The following CDH4 variants were observed in gnomAD, a reference collection of about 807,000 sequenced individuals.
CDH4 encodes the protein cadherin 4.
CDH4 carries 33 observed loss-of-function variants against 86.0 expected under a neutral mutation model. The observed-to-expected ratio is 0.38, with a 90% CI of 0.29 to 0.51. The LOEUF is 0.51. Ranked by LOEUF, CDH4 falls within the 20% of genes least tolerant of loss-of-function variation. The pLI is 0.86. For synonymous variants in CDH4, 555 were observed against 549.4 expected, an observed-to-expected ratio of 1.01 and a Z score of -0.14; for missense variants, 1,114 against 1,307.4, an observed-to-expected ratio of 0.85 and a Z score of 2.28.
At chr20:61,281,589 C>A (rs2084259299) in intron 2 of CDH4, among the ~76,000 whole-genome samples, 1 of 152,210 alleles carries the variant, frequency 6.6e-6, no homozygotes, top group Non-Finnish European at 1.5e-5. Flanking sequence ...TGAGGTCCGT[C>A]CCAGCCCCGC....
In CDH4 at chr20:61,582,563, C is replaced by CT. The variant is rs1445365863; in HGVS notation, c.170-160999dup. Among the ~76,000 whole-genome samples the CT allele has an allele frequency of 6.6e-6, 1 of 152,164 alleles. No homozygotes were observed. The highest frequency in any genetic ancestry group is 1.9e-4 in the East Asian group (1 of 5,160). ...CCCTCCCAGTGCTTCCGGGGAGAGT[C>CT]TCCCCAGTTGCACCCAGTGCCCTGA... On this transcript the variant is annotated intron_variant, in intron 2 of 15. Coordinates refer to ENST00000614565, the MANE Select transcript of CDH4 (RefSeq NM_001794.5). This position sits in a 1 kb window ranked among gnomAD's most constrained non-coding sequence, Gnocchi z 4.2.
chr20:61,665,476 G>A (rs2087312631), intron 2 of CDH4, among the ~76,000 whole-genome samples: 1 of 152,236 alleles, frequency 6.6e-6, no homozygotes, highest in African/African-American at 2.4e-5. Context: ...TCTCATCAAG[G>A]GTTTGCCTTT....
At chr20:61,578,278 G>C in intron 2 of CDH4, among the ~76,000 whole-genome samples, 1 of 152,230 alleles carries the variant, frequency 6.6e-6, no homozygotes, top group East Asian at 1.9e-4. Flanking sequence ...CCAGGGCACT[G>C]GGGGGGAATG....
At chr20:61,698,271 G>A (rs980497724) in intron 2 of CDH4, among the ~76,000 whole-genome samples, 1 of 152,228 alleles carries the variant, frequency 6.6e-6, no homozygotes, top group Admixed American at 6.5e-5. Context: ...CCATGCCGGC[G>A]TCTGCCCCAG....
At chr20:61,414,017 A>C (rs2085133814) in intron 2 of CDH4, among the ~76,000 whole-genome samples, 1 of 152,092 alleles carries the variant, frequency 6.6e-6, no homozygotes, top group Non-Finnish European at 1.5e-5. Flanking sequence ...GTGACCTCCC[A>C]AGGTTGTGCC....
intron 2 of CDH4, among the ~76,000 whole-genome samples, chr20:61,319,236 TATC>T (rs2084494899): frequency 6.6e-6 from 1 of 152,122 alleles, no homozygotes; most frequent in Admixed American, 6.6e-5. Flanking sequence ...GGTGCATTAT[TATC>T]CCCATTTTAC....
In CDH4 at chr20:61,366,941, C is replaced by G. The variant is rs117723297; in HGVS notation, c.169+112004C>G. Among the ~76,000 whole-genome samples the G allele has an allele frequency of 3.3e-5, 5 of 152,188 alleles. No homozygotes were observed. In the South Asian group the frequency reaches 1.0e-3, roughly 32 times the overall value. On this transcript the variant is annotated intron_variant, in intron 2 of 15. Coordinates refer to ENST00000614565, the MANE Select transcript of CDH4 (RefSeq NM_001794.5). ...AACAGCATATTAACGGGGTCATAGC[C>G]CTGGACAACTGGAGCTTGGGCCCTT...
At chr20:61,622,238 T>C (rs1357742313) in intron 2 of CDH4, among the ~76,000 whole-genome samples, 2 of 152,162 alleles carry the variant, frequency 1.3e-5, no homozygotes, top group Non-Finnish European at 2.9e-5. Context: ...TCCCCACCCA[T>C]GTGTTTATGG....
At chr20:61,855,926 A>G (rs1982979940) in intron 6 of CDH4, among the ~76,000 whole-genome samples, 1 of 152,176 alleles carries the variant, frequency 6.6e-6, no homozygotes, top group Admixed American at 6.5e-5. Flanking sequence ...TGGTCCCACA[A>G]CAAGCTGTCT....
At chr20:61,257,322 G>A (rs1011630470) in intron 2 of CDH4, among the ~76,000 whole-genome samples, 2 of 152,248 alleles carry the variant, frequency 1.3e-5, no homozygotes, top group Non-Finnish European at 2.9e-5. Context: ...TAAATGGATG[G>A]AAGAAATGTC....
intron 2 of CDH4, among the ~76,000 whole-genome samples, chr20:61,593,016 G>T (rs1442070878): frequency 6.6e-6 from 1 of 152,146 alleles, no homozygotes; most frequent in Non-Finnish European, 1.5e-5. Context: ...GGGCAGGAGG[G>T]TCAGGTCAGA....
chr20:61,806,235 C>T (rs975922551), intron 4 of CDH4, among the ~76,000 whole-genome samples: 2 of 152,202 alleles, frequency 1.3e-5, no homozygotes, highest in Non-Finnish European at 2.9e-5. Context: ...GGCGTCGTGG[C>T]CTGCCTGCCT....
chr20:61,865,521 G>A (rs962489312), intron 6 of CDH4, among the ~76,000 whole-genome samples: 2 of 151,648 alleles, frequency 1.3e-5, no homozygotes, highest in African/African-American at 4.9e-5. Flanking sequence ...TAATGGGTTA[G>A]TTCCTGGGCT....
At chr20:61,682,268 A>AGATG (rs369552344) in intron 2 of CDH4, among the ~76,000 whole-genome samples, 2 of 138,222 alleles carry the variant, frequency 1.4e-5, no homozygotes, top group African/African-American at 6.0e-5. Flanking sequence ...ATAGAGGAAC[A>AGATG]GATGGATGGA....
intron 2 of CDH4, among the ~76,000 whole-genome samples, chr20:61,632,039 G>T (rs1396866491): frequency 1.3e-5 from 2 of 152,246 alleles, no homozygotes; most frequent in African/African-American, 4.8e-5. Flanking sequence ...ATGATGCCAG[G>T]CTCTGCTGAC....
At chr20:61,719,155 A>G (rs1187569373) in intron 2 of CDH4, 1 of 469,960 alleles carries the variant, frequency 2.1e-6, no homozygotes, top group Non-Finnish European at 4.4e-6. Flanking sequence ...TGAAAGCCAC[A>G]CATAATTGTC....
intron 15 of CDH4, among the ~76,000 whole-genome samples, 195 bp from the exon 16 acceptor site, chr20:61,936,542 A>T (rs2055192771): frequency 7.1e-6 from 1 of 141,520 alleles, no homozygotes; most frequent in Non-Finnish European, 1.5e-5. Flanking sequence ...CAACACTCCC[A>T]CGCTCCATCT....
At chr20:61,262,626 A>G (rs1399145862) in intron 2 of CDH4, among the ~76,000 whole-genome samples, 2 of 152,174 alleles carry the variant, frequency 1.3e-5, no homozygotes, top group Non-Finnish European at 2.9e-5. Flanking sequence ...AAGGAAGTGT[A>G]TTTGGTGTGT....
chr20:61,696,656 C>A (rs957999448), intron 2 of CDH4, among the ~76,000 whole-genome samples: 1 of 152,230 alleles, frequency 6.6e-6, no homozygotes, highest in Non-Finnish European at 1.5e-5. Context: ...ACCCACTACC[C>A]TCCATGGTCC....
Sources: gnomAD v4.1 joint callset for allele counts (sites outside exome capture counted in the v4.1 genomes callset) on GRCh38, gnomAD v4.1.1 for gene constraint, Gnocchi (gnomAD v3.1) non-coding constraint, MANE v1.5 for transcripts, NCBI Gene and HGNC (gene_info 2026-07-23, HGNC 2026-07-21) for gene names.